RMDN1: variants seen among roughly 807,000 people sequenced by gnomAD.
RMDN1 encodes regulator of microtubule dynamics 1.
RMDN1 carries 48 observed loss-of-function variants against 48.9 expected under a neutral mutation model. The ratio of observed to expected loss-of-function variants is 0.98; its 90% CI spans 0.78 to 1.25. The LOEUF (loss-of-function observed/expected upper bound fraction) is 1.25, where lower values mean the gene tolerates loss of function less well. RMDN1 is among the 50% of genes most tolerant of loss of function. The pLI is 0.00. For missense variants in RMDN1, 418 were observed against 373.4 expected (o/e 1.12, Z -0.98); for synonymous variants, 148 against 132.6 (o/e 1.12, Z -0.80).
chr8:86,485,815 G>GA (rs1303493621), intron 4 of RMDN1, among the ~76,000 whole-genome samples: 2 of 151,962 alleles, frequency 1.3e-5, no homozygotes, highest in East Asian at 1.9e-4. Context: ...AGGATAAGGA[G>GA]AAAAAAAATG....
At chr8:86,508,236 G>A (rs1467558665) in intron 1 of RMDN1, 1 of 429,564 alleles carries the variant, frequency 2.3e-6, no homozygotes, top group South Asian at 4.7e-5. Flanking sequence ...TTTCGCACAA[G>A]AAGGGCGGGT....
At chr8:86,470,664 T>C (rs1199635116), downstream of RMDN1, among the ~76,000 whole-genome samples, 5 of 152,228 alleles carry the variant, frequency 3.3e-5, no homozygotes, top group Non-Finnish European at 1.5e-5. Context: ...CCTCAGCATA[T>C]GGTTGATATG....
chr8:86,503,120 G>A (rs1424476315), intron 2 of RMDN1, among the ~76,000 whole-genome samples: 3 of 152,014 alleles, frequency 2.0e-5, no homozygotes, highest in South Asian at 2.1e-4. Flanking sequence ...TTGGGAGGCC[G>A]AGGCGGCCAG....
chr8:86,496,730 T>A (rs2131069848), intron 2 of RMDN1, among the ~76,000 whole-genome samples: 1 of 152,232 alleles, frequency 6.6e-6, no homozygotes, highest in East Asian at 1.9e-4. Context: ...GCTACACATA[T>A]CATTAAGGCA....
Position 86,473,108 on chromosome 8 carries a change from T to C in RMDN1, c.*1200A>G. 2.0e-6 allele frequency: 2 copies of C among 985,080 alleles called. No individual in the cohort carries two copies. Among genetic ancestry groups the C allele is most frequent in the Non-Finnish European group, 2.4e-6 (2 of 829,612 alleles). The allele number at this position is 985,080 out of a possible 1,614,324, so 61.0% of individuals were successfully genotyped here. ...TACACAACCTATATAGCAAAATCAC[T>C]GAATCTAAGAGATGGGTATACAAAG... On this transcript the variant is annotated 3_prime_UTR_variant, in exon 10 of 10. Coordinates refer to ENST00000406452, the MANE Select transcript of RMDN1 (RefSeq NM_016033.3).
chr8:86,494,928 C>G (rs534955583), intron 2 of RMDN1: 14 of 438,748 alleles, frequency 3.2e-5, no homozygotes, highest in African/African-American at 2.8e-4. Flanking sequence ...GAGCTGAGAT[C>G]GCACCTCCAC....
intron 2 of RMDN1, among the ~76,000 whole-genome samples, chr8:86,489,187 C>T (rs182393419): frequency 6.6e-6 from 1 of 152,152 alleles, no homozygotes; most frequent in Non-Finnish European, 1.5e-5. Context: ...TTAATAAATT[C>T]TCTTTATACA....
intron 2 of RMDN1, chr8:86,503,603 C>T: frequency 2.1e-6 from 1 of 482,248 alleles, no homozygotes. Context: ...CACCCCAGCT[C>T]TGATCGTTGC....
intron 8 of RMDN1, among the ~76,000 whole-genome samples, chr8:86,475,569 C>CA (rs1310563456): frequency 4.0e-4 from 58 of 145,558 alleles, no homozygotes; most frequent in East Asian, 1.6e-3. Context: ...TACAAGAAAC[C>CA]AAAAAAAAAA....
chr8:86,502,320 T>C (rs1297322892), intron 2 of RMDN1, among the ~76,000 whole-genome samples: 2 of 152,188 alleles, frequency 1.3e-5, no homozygotes, highest in Non-Finnish European at 2.9e-5. Flanking sequence ...TACTGCAACC[T>C]TGACCTCCTG....
intron 5 of RMDN1, chr8:86,481,756 A>T (rs1814497595): frequency 5.5e-6 from 5 of 911,522 alleles, no homozygotes; most frequent in Non-Finnish European, 7.7e-6. Flanking sequence ...CTATTTTTTT[A>T]GCTTCCTGGA....
At chr8:86,501,112 G>A (rs1818142281) in intron 2 of RMDN1, among the ~76,000 whole-genome samples, 1 of 152,012 alleles carries the variant, frequency 6.6e-6, no homozygotes, top group Admixed American at 6.6e-5. Context: ...CTCACTACCT[G>A]GGTGACAAAA....
At chr8:86,483,043 G>A in intron 5 of RMDN1, 6 of 545,018 alleles carry the variant, frequency 1.1e-5, no homozygotes, top group Non-Finnish European at 3.3e-6. Flanking sequence ...ATTTTCTTAT[G>A]AGAAGGGTTG....
At position 86,472,639 on chromosome 8, in the gene RMDN1, G is replaced by GT. The variant is rs1314746754; in HGVS notation, c.*1668dup. ...ACCCTGACCACATTATTTTTTCACT[G>GT]TATCAGTGGTGTGTCATATTTTTTT... is the stretch of plus-strand genomic sequence containing the variant. On this transcript the variant is annotated 3_prime_UTR_variant, in exon 10 of 10. Transcript: ENST00000406452. 6.9e-6 allele frequency: 4 copies of GT among 583,114 alleles called. No individual in the cohort carries two copies. The East Asian group carries it at 1.1e-4, about 17-fold the overall frequency. The allele number at this position is 583,114 out of a possible 1,614,324, so 36.1% of individuals were successfully genotyped here. A position where few individuals can be genotyped will look rare whatever the true frequency, so the allele number is the denominator to read the frequency against.
Position 86,472,789 on chromosome 8 carries a change from A to ACATCG in RMDN1, c.*1518_*1519insCGATG. The ACATCG allele has an allele frequency of 3.7e-6, 1 of 267,328 alleles. No homozygotes were observed. Among genetic ancestry groups the ACATCG allele is most frequent in the Non-Finnish European group, 7.0e-6 (1 of 143,502 alleles). The allele number at this position is 267,328 out of a possible 1,614,324, so 16.6% of individuals were successfully genotyped here. ...ATACATTCAGTCAGGAATGATGGTG[A>ACATCG]CATCAACCAACCACAAATTACCCAC... On this transcript the variant is annotated 3_prime_UTR_variant, in exon 10 of 10. Transcript: ENST00000406452.
chr8:86,495,318 T>C (rs1817161895), intron 2 of RMDN1, among the ~76,000 whole-genome samples: 1 of 152,014 alleles, frequency 6.6e-6, no homozygotes, highest in Admixed American at 6.6e-5. Flanking sequence ...TCACAGACCT[T>C]AGAGATCCTA....
chr8:86,501,136 G>T (rs778886939), intron 2 of RMDN1, among the ~76,000 whole-genome samples: 1 of 151,978 alleles, frequency 6.6e-6, no homozygotes, highest in African/African-American at 2.4e-5. Flanking sequence ...CTTGTACACC[G>T]AATTCCAGCA....
chr8:86,493,080 T>C (rs1816778866), intron 2 of RMDN1, among the ~76,000 whole-genome samples: 1 of 152,096 alleles, frequency 6.6e-6, no homozygotes, highest in African/African-American at 2.4e-5. Context: ...TATATTTTTA[T>C]AGAAACATAT....
chr8:86,470,071 A>C (rs748743244), downstream of RMDN1: 223 of 980,418 alleles, frequency 2.3e-4, no homozygotes, highest in Middle Eastern at 3.4e-4. Context: ...AGAAATTGAG[A>C]GCTTTTAGGT....
Sources: allele counts gnomAD v4.1 joint callset (sites outside exome capture counted in the v4.1 genomes callset), GRCh38; gene constraint gnomAD v4.1.1; transcripts MANE v1.5; gene names NCBI Gene and HGNC (gene_info 2026-07-23, HGNC 2026-07-21).